MGAM2: variants seen among roughly 807,000 people sequenced by gnomAD.
MGAM2 encodes probable maltase-glucoamylase 2.
In MGAM2, 98 loss-of-function variants were observed where a neutral mutation model predicts 96.1. That is an observed-to-expected ratio of 1.02 (90% CI 0.87 to 1.21). The LOEUF (loss-of-function observed/expected upper bound fraction) is 1.21, where lower values mean the gene tolerates loss of function less well. Among genes scored for constraint, MGAM2 ranks in the 50% most tolerant of loss-of-function variants. The probability of loss-of-function intolerance (pLI) is 0.00; values close to 1 mark genes in which losing one functional copy is unlikely to be tolerated. For synonymous variants in MGAM2, 749 were observed against 414.8 expected, an observed-to-expected ratio of 1.81 and a Z score of -9.79; for missense variants, 2,055 against 1,182.4, an observed-to-expected ratio of 1.74 and a Z score of -10.82.
At chr7:142,119,362 A>C (rs1173033524) in intron 2 of MGAM2, among the ~76,000 whole-genome samples, 1 of 152,214 alleles carries the variant, frequency 6.6e-6, no homozygotes, top group Admixed American at 6.5e-5. Context: ...AAGTCAAAAC[A>C]ATAACATATC....
intron 3 of MGAM2, among the ~76,000 whole-genome samples, chr7:142,123,121 C>G (rs1174646309): frequency 1.3e-5 from 2 of 152,062 alleles, no homozygotes; most frequent in Non-Finnish European, 2.9e-5. Flanking sequence ...CGCGCCCGAC[C>G]TCAAAATTAT....
Position 142,131,043 on chromosome 7 carries a change from C to T in MGAM2, c.282C>T (p.Ala94=), listed in dbSNP as rs1311242651. Residue 94 remains alanine, a synonymous_variant, in exon 4 of 48, where the codon GCC becomes GCT. Coordinates refer to ENST00000477922, the MANE Select transcript of MGAM2 (RefSeq NM_001293626.2). ...TCCCCTGGAACTGGGGCTATGAAGC[C>T]AGCAATGGCCATACAAATACAAGCA... is the stretch of plus-strand genomic sequence containing the variant. ...CFFPWNWGYE[A]SNGHTNTSTG... The T allele has an allele frequency of 2.8e-6, 2 of 702,592 alleles. No individual in the cohort carries two copies. The highest frequency in any genetic ancestry group is 2.0e-5 in the Admixed American group (1 of 50,004). 43.5% of individuals were successfully genotyped at this position (702,592 alleles called of 1,614,324 possible).
At chr7:142,182,341 G>A (rs911820270) in intron 32 of MGAM2, among the ~76,000 whole-genome samples, 2 of 152,118 alleles carry the variant, frequency 1.3e-5, no homozygotes, top group Non-Finnish European at 2.9e-5. Context: ...TCTCTTTTGG[G>A]AGCAGCCAAG....
At chr7:142,140,756 C>T (rs1795196682) in intron 10 of MGAM2, 46 bp from the exon 11 acceptor site, 1 of 677,718 alleles carries the variant, frequency 1.5e-6, no homozygotes, top group African/African-American at 1.8e-5. Context: ...TTTCCATCAG[C>T]ACAGTGCTGT....
At chr7:142,133,084 T>C (rs1350006738) in intron 6 of MGAM2, among the ~76,000 whole-genome samples, 2 of 135,018 alleles carry the variant, frequency 1.5e-5, no homozygotes, top group Non-Finnish European at 3.1e-5. Context: ...TTATATTTAA[T>C]ATTTATTTAA....
intron 3 of MGAM2, among the ~76,000 whole-genome samples, chr7:142,127,623 G>A (rs961909133): frequency 2.6e-5 from 4 of 152,012 alleles, no homozygotes; most frequent in African/African-American, 9.7e-5. Context: ...GAATCATGGG[G>A]CACTTTCCCC....
intron 30 of MGAM2, 60 bp from the exon 31 acceptor site, chr7:142,173,169 A>G (rs943204105): frequency 1.1e-5 from 8 of 697,258 alleles, no homozygotes; most frequent in Admixed American, 2.0e-5. Context: ...TTCAAGTATA[A>G]GTCAATCACC....
At chr7:142,120,847 A>G (rs1267184662) in intron 3 of MGAM2, among the ~76,000 whole-genome samples, 1 of 152,146 alleles carries the variant, frequency 6.6e-6, no homozygotes, top group Non-Finnish European at 1.5e-5. Context: ...AGCCCTCTGG[A>G]TTATGTTATT....
intron 30 of MGAM2, among the ~76,000 whole-genome samples, chr7:142,172,989 A>G (rs577515355): frequency 2.0e-5 from 3 of 152,336 alleles, no homozygotes; most frequent in African/African-American, 7.2e-5. Flanking sequence ...CTAATCAGTA[A>G]TAACCGGCAA....
intron 46 of MGAM2, among the ~76,000 whole-genome samples, chr7:142,210,141 C>T (rs1403995288): frequency 6.6e-6 from 1 of 152,116 alleles, no homozygotes. Context: ...AAGGAAGCCA[C>T]GAGGGACAGT....
At chr7:142,213,823 G>A (rs1040754869) in intron 46 of MGAM2, among the ~76,000 whole-genome samples, 5 of 152,158 alleles carry the variant, frequency 3.3e-5, no homozygotes, top group Admixed American at 6.5e-5. Flanking sequence ...TATGAGGTCA[G>A]CATCATCCTG....
intron 46 of MGAM2, among the ~76,000 whole-genome samples, chr7:142,211,761 G>GCC (rs1797591660): frequency 6.6e-6 from 1 of 152,162 alleles, no homozygotes; most frequent in Admixed American, 6.5e-5. Context: ...AAGTTGTAAA[G>GCC]CACACTTCAA....
At chr7:142,160,608 C>T (rs943038151) in intron 21 of MGAM2, among the ~76,000 whole-genome samples, 10 of 151,496 alleles carry the variant, frequency 6.6e-5, no homozygotes, top group African/African-American at 2.4e-4. Context: ...AAGGTTATCA[C>T]GTGGAAGCCA....
At chr7:142,183,194 C>T (rs1190596871) in intron 32 of MGAM2, 72 bp from the exon 33 acceptor site, 8 of 659,502 alleles carry the variant, frequency 1.2e-5, no homozygotes, top group Non-Finnish European at 1.9e-5. Context: ...CTATGAACTA[C>T]TAAATTTTTG....
In MGAM2 at chr7:142,167,352, A is replaced by G. The variant is rs1297207458; in HGVS notation, c.2893A>G (p.Ser965Gly). The G allele has an allele frequency of 1.4e-6, 1 of 702,950 alleles. No homozygotes were observed. The highest frequency in any genetic ancestry group is 1.5e-5 in the South Asian group (1 of 67,592). The allele number at this position is 702,950 out of a possible 1,614,324, so 43.5% of individuals were successfully genotyped here. Residue 965 changes from serine (S) to glycine (G), a missense_variant, in exon 26 of 48, where the codon AGC (serine) becomes GGC (glycine). Ser to Gly is a moderately conservative substitution (Grantham distance 56). Transcript: ENST00000477922. ...TAGTGATATTCAGTACCTGAACACC[A>G]GCATCACTGCAGACCTTTCCCTCCC... Reference protein sequence around the residue: ...VASDIQYLNTSITADLSLPMA... With the variant: ...VASDIQYLNTGITADLSLPMA...
At position 142,137,549 on chromosome 7, in the gene MGAM2, T is replaced by A. The variant is rs1214991496; in HGVS notation, c.960+4T>A. On this transcript the variant is annotated splice_donor_region_variant and intron_variant, in intron 9 of 47. Coordinates refer to ENST00000477922, the MANE Select transcript of MGAM2 (RefSeq NM_001293626.2). Reference sequence around the variant, plus strand: ...AGTGGTTCAGGAATACTTGGAGGTATGTCTTTGCATTTAGATAGTCATTAT... The same window carrying A: ...AGTGGTTCAGGAATACTTGGAGGTAAGTCTTTGCATTTAGATAGTCATTAT... 6 of 692,974 alleles carry A rather than the reference T, an allele frequency of 8.7e-6. No homozygotes were observed. Among genetic ancestry groups the A allele is most frequent in the African/African-American group, 3.5e-5 (2 of 56,672 alleles). The allele number at this position is 692,974 out of a possible 1,614,324, so 42.9% of individuals were successfully genotyped here.
chr7:142,211,892 G>A (rs1489365736), intron 46 of MGAM2, among the ~76,000 whole-genome samples: 4 of 152,190 alleles, frequency 2.6e-5, no homozygotes, highest in Non-Finnish European at 5.9e-5. Flanking sequence ...ATAATTGTCA[G>A]ATTCACCAAG....
chr7:142,186,456 A>G (rs575516693), intron 35 of MGAM2, among the ~76,000 whole-genome samples: 28 of 152,290 alleles, frequency 1.8e-4, no homozygotes, highest in African/African-American at 6.5e-4. Context: ...GCTTATTGTA[A>G]GGGAGTCTTA....
chr7:142,183,339 A>C lies in MGAM2; in HGVS notation c.3890A>C (p.Lys1297Thr). 1.4e-6 allele frequency: 1 copy of C among 703,222 alleles called. No individual in the cohort carries two copies. Among genetic ancestry groups the C allele is most frequent in the East Asian group, 2.7e-5 (1 of 37,254 alleles). 43.6% of individuals were successfully genotyped at this position (703,222 alleles called of 1,614,324 possible). Residue 1297 changes from lysine to threonine, a missense_variant, in exon 33 of 48, where the codon AAA becomes ACA. Physicochemically the swap from Lys to Thr is moderately conservative, Grantham distance 78 (BLOSUM62 -1). Coordinates refer to ENST00000477922, the MANE Select transcript of MGAM2 (RefSeq NM_001293626.2). ...IRGQENNVFI[K>T]WPDTNDIVWG... is the part of the protein sequence containing the mutation. ...GGACAGGAAAATAACGTGTTCATCA[A>C]ATGGCCTGACACCAATGACATTGTC...
Sources: allele counts gnomAD v4.1 joint callset (sites outside exome capture counted in the v4.1 genomes callset), GRCh38; gene constraint gnomAD v4.1.1; transcripts MANE v1.5; gene names NCBI Gene and HGNC (gene_info 2026-07-23, HGNC 2026-07-21).